The following DSE variants were observed in gnomAD, a reference collection of about 807,000 sequenced individuals.
The protein encoded by DSE is dermatan-sulfate epimerase.
A neutral mutation model predicts 84.4 loss-of-function variants in DSE; 36 were observed. The observed-to-expected ratio is 0.43, with a 90% CI of 0.33 to 0.56. DSE has a LOEUF of 0.56. Ranked by LOEUF, DSE falls within the 20% of genes least tolerant of loss-of-function variation. DSE has a pLI of 0.06. For missense variants in DSE, 862 were observed against 1,169.6 expected (o/e 0.74, Z 3.84); for synonymous variants, 410 against 430.1 (o/e 0.95, Z 0.58).
At chr6:116,303,235 C>T (rs1190851543) in intron 2 of DSE, among the ~76,000 whole-genome samples, 1 of 152,064 alleles carries the variant, frequency 6.6e-6, no homozygotes, top group Non-Finnish European at 1.5e-5. Context: ...ACCTCCTTCT[C>T]GTCTTTCTCT....
At chr6:116,279,285 C>T (rs1296445073) in intron 2 of DSE, 1 of 1,557,268 alleles carries the variant, frequency 6.4e-7, no homozygotes, top group African/African-American at 1.9e-5. Context: ...TTACCTCCTT[C>T]TCCGCCAGGC....
intron 2 of DSE, among the ~76,000 whole-genome samples, chr6:116,295,314 G>C (rs1262682363): frequency 6.6e-6 from 1 of 152,112 alleles, no homozygotes; most frequent in Non-Finnish European, 1.5e-5. Flanking sequence ...CTTGAATGTG[G>C]CTTGGCTTAT....
At chr6:116,404,203 AAAAC>A (rs988560364) in intron 2 of DSE, among the ~76,000 whole-genome samples, 1 of 152,224 alleles carries the variant, frequency 6.6e-6, no homozygotes, top group African/African-American at 2.4e-5. Context: ...TCCGGAGCTA[AAAAC>A]AAACAAACAA....
chr6:116,382,973 T>A (rs1022966883), intron 1 of DSE, among the ~76,000 whole-genome samples: 1 of 151,358 alleles, frequency 6.6e-6, no homozygotes, highest in African/African-American at 2.4e-5. Context: ...ACACCTAGAG[T>A]CATTTAGAGA....
At chr6:116,277,448 T>G (rs1233773317) in intron 2 of DSE, 1 of 152,618 alleles carries the variant, frequency 6.6e-6, no homozygotes, top group Non-Finnish European at 1.5e-5. Context: ...TTAGGGCACC[T>G]TTCATCCCAT....
chr6:116,270,484 G>T (rs1168613538), intron 2 of DSE, among the ~76,000 whole-genome samples: 1 of 152,036 alleles, frequency 6.6e-6, no homozygotes, highest in African/African-American at 2.4e-5. Flanking sequence ...TTATTTACTA[G>T]TGATATCAAT....
intron 2 of DSE, chr6:116,280,256 G>A (rs1773438374): frequency 3.6e-6 from 1 of 279,654 alleles, no homozygotes; most frequent in South Asian, 3.5e-5. Flanking sequence ...TTTTGAGGCA[G>A]GAAGGTAAAT....
chr6:116,370,900 T>G (rs1779499796), upstream of DSE: 1 of 985,368 alleles, frequency 1.0e-6, no homozygotes, highest in Non-Finnish European at 1.2e-6. Context: ...CGTCCCTCCC[T>G]CCGCCCCTTT....
At position 116,319,712 on chromosome 6, in the gene DSE, G is replaced by A. The variant is rs1351264863; in HGVS notation, c.-54+60745G>A. ...GGGGTAAATATGTATCTTTGACATG[G>A]CCCTTGAGGCTCTGTTGATCTGACA... is the stretch of plus-strand genomic sequence containing the variant. On this transcript the variant is annotated intron_variant, in intron 2 of 3. Coordinates refer to the DSE transcript ENST00000430252. 3.3e-5 allele frequency among the ~76,000 whole-genome samples: 5 copies of A among 152,144 alleles called. No individual in the cohort carries two copies. The East Asian group carries it at 9.6e-4, about 29-fold the overall frequency.
At chr6:116,331,269 T>C (rs1776918906) in intron 2 of DSE, among the ~76,000 whole-genome samples, 1 of 152,122 alleles carries the variant, frequency 6.6e-6, no homozygotes. Context: ...GACTGGGTAA[T>C]TTATAAAGGA....
chr6:116,349,834 A>G (rs1383998344), intron 2 of DSE, among the ~76,000 whole-genome samples: 1 of 152,178 alleles, frequency 6.6e-6, no homozygotes, highest in Non-Finnish European at 1.5e-5. Context: ...AAGCCTAAAC[A>G]CTTCTCAGGT....
At chr6:116,339,378 C>T (rs752372647) in intron 2 of DSE, among the ~76,000 whole-genome samples, 4 of 151,062 alleles carry the variant, frequency 2.6e-5, no homozygotes, top group Admixed American at 6.6e-5. Context: ...ATTTTTTTCA[C>T]AATTGGAATT....
intron 2 of DSE, among the ~76,000 whole-genome samples, chr6:116,407,320 A>G (rs1033480802): frequency 1.2e-4 from 19 of 152,184 alleles, no homozygotes; most frequent in African/African-American, 4.1e-4. Flanking sequence ...GAATATGGGG[A>G]GGAGAGAGTG....
At chr6:116,385,952 A>G (rs1200938997) in intron 1 of DSE, among the ~76,000 whole-genome samples, 1 of 152,234 alleles carries the variant, frequency 6.6e-6, no homozygotes, top group Non-Finnish European at 1.5e-5. Flanking sequence ...TACTCATCCA[A>G]TATATACAAT....
rs1190898558 is a variant in DSE, at chr6:116,442,504, T to C, written c.*5159T>C. 6.6e-6 allele frequency: 1 copy of C among 152,020 alleles called. No individual in the cohort carries two copies. Among genetic ancestry groups the C allele is most frequent in the Non-Finnish European group, 1.5e-5 (1 of 68,010 alleles). The allele number at this position is 152,020 out of a possible 1,614,324, so 9.4% of individuals were successfully genotyped here. Reference sequence around the variant, plus strand: ...GCCTTCTTAAAGGTTAAACAGAAATTTACTAGCTGTGTGAGAGGAGAAGTG... The same window carrying C: ...GCCTTCTTAAAGGTTAAACAGAAATCTACTAGCTGTGTGAGAGGAGAAGTG... On this transcript the variant is annotated 3_prime_UTR_variant, in exon 6 of 6. Transcript: ENST00000644252.
At chr6:116,292,672 C>CA (rs957025055) in intron 2 of DSE, among the ~76,000 whole-genome samples, 9 of 146,772 alleles carry the variant, frequency 6.1e-5, no homozygotes, top group African/African-American at 1.3e-4. Context: ...AGCAAACAAA[C>CA]AAAAAAAAAG....
At chr6:116,370,838 C>A (rs1019462033), upstream of DSE, 4 of 985,534 alleles carry the variant, frequency 4.1e-6, no homozygotes, top group African/African-American at 1.7e-5. Context: ...TCCTCTGGCT[C>A]TGGTGACGTT....
chr6:116,363,512 T>C (rs536641521), intron 2 of DSE, among the ~76,000 whole-genome samples: 8 of 152,120 alleles, frequency 5.3e-5, no homozygotes, highest in African/African-American at 1.9e-4. Flanking sequence ...ATTCAGAAAA[T>C]TGATTCATGC....
Position 116,436,260 on chromosome 6 carries a change from G to A in DSE, c.1792G>A (p.Val598Met), listed in dbSNP as rs1395469969. ...HNVDVPFEET[V>M]VDGVHGAFIR... The stretch of plus-strand genomic sequence containing the variant: ...TGTGGATGTTCCTTTTGAGGAGACT[G>A]TGGTAGATGGTGTCCATGGGGCTTT... Residue 598 changes from valine to methionine, a missense_variant, in exon 6 of 6, where the codon GTG (valine) becomes ATG (methionine). This residue lies in a region of DSE where 186 missense variants were observed against 255.1 expected (regional missense o/e 0.73). Coordinates refer to ENST00000644252, the MANE Select transcript of DSE (RefSeq NM_013352.4). 3 of 1,614,156 alleles carry A rather than the reference G, an allele frequency of 1.9e-6. No homozygotes were observed.
Sources: allele counts gnomAD v4.1 joint callset (sites outside exome capture counted in the v4.1 genomes callset), GRCh38; gene constraint gnomAD v4.1.1; regional missense constraint gnomAD v4.1.1; transcripts MANE v1.5; gene names NCBI Gene and HGNC (gene_info 2026-07-23, HGNC 2026-07-21).